Variants in SLC60A1 observed in about 807,000 individuals in gnomAD.
SLC60A1 encodes solute carrier family 60 member 1, also known as major facilitator superfamily domain containing 4.
the SLC60A1 span, among the ~76,000 whole-genome samples, chr1:205,586,393 C>T: frequency 6.6e-6 from 1 of 152,114 alleles, no homozygotes. Flanking sequence ...TGGAGCCTAC[C>T]TGGGTGACCA....
the SLC60A1 span, chr1:205,569,253 C>A: frequency 6.4e-7 from 1 of 1,568,384 alleles, no homozygotes; most frequent in Non-Finnish European, 8.6e-7. Context: ...CTCGCAGCAG[C>A]TCTGCCTCCT....
At chr1:205,591,483 CAA>C in the SLC60A1 span, among the ~76,000 whole-genome samples, 163 of 86,896 alleles carry the variant, frequency 1.9e-3, no homozygotes, top group Middle Eastern at 6.3e-3. Flanking sequence ...CCCTGTCTCT[CAA>C]AAAAAAAAAA....
the SLC60A1 span, among the ~76,000 whole-genome samples, chr1:205,572,106 C>T: frequency 6.6e-6 from 1 of 152,084 alleles, no homozygotes; most frequent in East Asian, 1.9e-4. Context: ...GGAGTGGGTG[C>T]AGGGGAAGAC....
the SLC60A1 span, among the ~76,000 whole-genome samples, chr1:205,584,492 G>A: frequency 5.9e-3 from 884 of 150,404 alleles, 11 homozygotes; most frequent in African/African-American, 0.02. Flanking sequence ...CCAAAGTGCT[G>A]GGATTATAGG....
chr1:205,583,959 C>T, the SLC60A1 span: 1 of 1,612,778 alleles, frequency 6.2e-7, no homozygotes. Flanking sequence ...CCCCAGCTTC[C>T]AGTGCCCATG....
At chr1:205,600,026 G>A in the SLC60A1 span, 1 of 176,080 alleles carries the variant, frequency 5.7e-6, no homozygotes, top group Admixed American at 6.1e-5. Context: ...TCAGTACAAA[G>A]GCCCAGAAGG....
chr1:205,591,007 T>TA, the SLC60A1 span, among the ~76,000 whole-genome samples: 1 of 152,142 alleles, frequency 6.6e-6, no homozygotes, highest in African/African-American at 2.4e-5. Flanking sequence ...CCACAGCTGG[T>TA]AAAAAACACA....
At chr1:205,586,025 T>C in the SLC60A1 span, 1 of 1,577,646 alleles carries the variant, frequency 6.3e-7, no homozygotes. Flanking sequence ...GCGCCCGGTC[T>C]CTCCACAGGG....
chr1:205,574,250 C>T, the SLC60A1 span, among the ~76,000 whole-genome samples: 1 of 151,754 alleles, frequency 6.6e-6, no homozygotes, highest in African/African-American at 2.4e-5. Flanking sequence ...AGTTCAAGAC[C>T]AGCCTGGGCA....
At chr1:205,594,385 G>A in the SLC60A1 span, among the ~76,000 whole-genome samples, 2 of 152,248 alleles carry the variant, frequency 1.3e-5, no homozygotes, top group African/African-American at 4.8e-5. Flanking sequence ...GCTGGGTGCA[G>A]TGGCTCACGC....
At chr1:205,590,140 C>A in the SLC60A1 span, among the ~76,000 whole-genome samples, 1 of 152,150 alleles carries the variant, frequency 6.6e-6, no homozygotes, top group Non-Finnish European at 1.5e-5. Context: ...AGGTGCAAGT[C>A]CGGAGTCCTG....
the SLC60A1 span, among the ~76,000 whole-genome samples, chr1:205,576,957 C>A: frequency 2.0e-5 from 3 of 152,186 alleles, no homozygotes; most frequent in African/African-American, 7.2e-5. Context: ...TTCTCTCCAA[C>A]CTCCCTTTTC....
the SLC60A1 span, among the ~76,000 whole-genome samples, chr1:205,578,697 T>C: frequency 6.6e-6 from 1 of 152,078 alleles, no homozygotes; most frequent in Non-Finnish European, 1.5e-5. Context: ...CTCCTCTTTT[T>C]TTTTCAGTGT....
chr1:205,583,913 G>T, the SLC60A1 span: 22 of 1,592,532 alleles, frequency 1.4e-5, no homozygotes, highest in Middle Eastern at 1.3e-3. Flanking sequence ...GGAAGGGGGA[G>T]CTTCAGGGCA....
the SLC60A1 span, among the ~76,000 whole-genome samples, chr1:205,583,736 G>A: frequency 0.14 from 21,748 of 152,206 alleles, 1,671 homozygotes; most frequent in South Asian, 0.29. Flanking sequence ...TCAGGGACGC[G>A]AGTATGGTGA....
At chr1:205,584,801 G>C in the SLC60A1 span, 1 of 1,387,710 alleles carries the variant, frequency 7.2e-7, no homozygotes, top group South Asian at 1.2e-5. Context: ...CTGACTGCCA[G>C]CCACGGCCCT....
the SLC60A1 span, chr1:205,579,425 A>C: frequency 1.9e-6 from 1 of 537,014 alleles, no homozygotes; most frequent in Non-Finnish European, 3.3e-6. Flanking sequence ...GTTCCCTGAA[A>C]AGGGTGGGGA....
chr1:205,591,969 C>T, the SLC60A1 span: 4 of 837,062 alleles, frequency 4.8e-6, no homozygotes, highest in South Asian at 3.6e-5. Flanking sequence ...GAACGGTCCC[C>T]GGAACACTGC....
the SLC60A1 span, chr1:205,580,015 C>T: frequency 6.7e-7 from 1 of 1,500,978 alleles, no homozygotes; most frequent in Non-Finnish European, 9.0e-7. This position sits in a 1 kb window ranked among gnomAD's most constrained non-coding sequence, Gnocchi z 5.0. Context: ...TAGGCCCCCT[C>T]AGTCTCTCCC....
Sources: gnomAD v4.1 joint callset for allele counts (sites outside exome capture counted in the v4.1 genomes callset) on GRCh38, gnomAD v4.1.1 for gene constraint, Gnocchi (gnomAD v3.1) non-coding constraint, MANE v1.5 for transcripts, NCBI Gene and HGNC (gene_info 2026-07-23, HGNC 2026-07-21) for gene names.